DCHS2: variants seen among roughly 807,000 people sequenced by gnomAD.
DCHS2 encodes the protein protocadherin-23.
A neutral mutation model predicts 182.4 loss-of-function variants in DCHS2; 142 were observed. The observed-to-expected ratio is 0.78, with a 90% CI of 0.68 to 0.89. The LOEUF (loss-of-function observed/expected upper bound fraction) is 0.89, where lower values mean the gene tolerates loss of function less well. Among genes scored for constraint, DCHS2 ranks in the 40% least tolerant of loss-of-function variants. DCHS2 has a pLI of 0.00. For missense variants in DCHS2, 4,319 were observed against 4,198.6 expected (o/e 1.03, Z -0.79); for synonymous variants, 1,740 against 1,663.3 (o/e 1.05, Z -1.12).
Position 154,490,527 on chromosome 4 carries a change from T to C in DCHS2, c.829A>G (p.Thr277Ala). 1.3e-6 allele frequency: 2 copies of C among 1,536,440 alleles called. No homozygotes were observed. ...CGCAGCTCCACGCTCAGGAGGCCGG[T>C]GCGCCGGGGTCGGCCGCCGTCCCAT... ...EAWDGGRPRR[T>A]GLLSVELRVL... The change falls in exon 1 of 20, where the codon ACC becomes GCC. Residue 277 changes from threonine to alanine, a missense_variant. Transcript: ENST00000357232.
rs1736578040 is a variant in DCHS2 at position 154,332,499 on chromosome 4, A to G, written c.3709T>C (p.Phe1237Leu). 7 of 1,613,164 alleles carry G rather than the reference A, an allele frequency of 4.3e-6. No individual in the cohort carries two copies. The highest frequency in any genetic ancestry group is 4.2e-6 in the Non-Finnish European group (5 of 1,179,410). Reference protein sequence around the residue: ...LYFLLSDGKFFKMNPNTGELI... With the variant: ...LYFLLSDGKFLKMNPNTGELI... ...CTACCTGTATTAGGATTCATCTTGAAGAATTTTCCATCAGACAAAAGGAAA... is the reference window on the plus strand; with the variant it reads ...CTACCTGTATTAGGATTCATCTTGAGGAATTTTCCATCAGACAAAAGGAAA... Residue 1237 changes from phenylalanine to leucine, a missense_variant, in exon 5 of 20, where the codon TTC becomes CTC. Phe to Leu is a conservative substitution (Grantham distance 22). Transcript: ENST00000357232.
chr4:154,344,095 CACA>C (rs1729244414), intron 3 of DCHS2, among the ~76,000 whole-genome samples: 3 of 152,100 alleles, frequency 2.0e-5, no homozygotes, highest in Admixed American at 6.5e-5. Flanking sequence ...TCAGAGCACA[CACA>C]ACATTTATCA....
At chr4:154,382,451 A>C (rs1731211692) in intron 1 of DCHS2, among the ~76,000 whole-genome samples, 1 of 152,110 alleles carries the variant, frequency 6.6e-6, no homozygotes, top group Non-Finnish European at 1.5e-5. Flanking sequence ...ATTTATTACT[A>C]AGTCCTCAAA....
chr4:154,432,153 A>G (rs902106678), intron 1 of DCHS2, among the ~76,000 whole-genome samples: 1 of 152,226 alleles, frequency 6.6e-6, no homozygotes, highest in African/African-American at 2.4e-5. Flanking sequence ...ATCATAAAAC[A>G]AATCATTTTA....
intron 3 of DCHS2, chr4:154,343,666 G>T (rs1166966723): frequency 6.3e-6 from 9 of 1,433,014 alleles, no homozygotes; most frequent in Non-Finnish European, 8.3e-6. Flanking sequence ...AAAAGAGTTA[G>T]GACCTTGCTC....
At chr4:154,425,281 C>A (rs115005223) in intron 1 of DCHS2, among the ~76,000 whole-genome samples, 168 of 152,310 alleles carry the variant, frequency 1.1e-3, no homozygotes, top group African/African-American at 3.8e-3. Context: ...GTTGTGCAAA[C>A]GCTTAGAGCC....
At chr4:154,309,156 C>T (rs1255588462) in intron 10 of DCHS2, among the ~76,000 whole-genome samples, 1 of 152,116 alleles carries the variant, frequency 6.6e-6, no homozygotes, top group Non-Finnish European at 1.5e-5. Context: ...AGTGGTTGTT[C>T]CCTCTGCCTG....
At position 154,333,307 on chromosome 4, in the gene DCHS2, T is replaced by TA; in HGVS notation, c.2900dup (p.Thr968AsnfsTer7). On this transcript the variant is annotated frameshift_variant, in exon 5 of 20. Coordinates refer to ENST00000357232, the MANE Select transcript of DCHS2 (RefSeq NM_001358235.2). LOFTEE classifies it high-confidence loss of function. Reference sequence around the variant, plus strand: ...GGTTGTCATTGACATCCATGACTGTTATGTTGACCTCGGTGCTGCTGCAGG... The same window carrying TA: ...GGTTGTCATTGACATCCATGACTGTTAATGTTGACCTCGGTGCTGCTGCAGG... 6.2e-7 allele frequency: 1 copy of TA among 1,614,172 alleles called. No individual in the cohort carries two copies. The highest frequency in any genetic ancestry group is 8.5e-7 in the Non-Finnish European group (1 of 1,180,010).
intron 1 of DCHS2, among the ~76,000 whole-genome samples, chr4:154,442,298 C>T (rs1324342167): frequency 6.6e-6 from 1 of 152,134 alleles, no homozygotes; most frequent in African/African-American, 2.4e-5. Flanking sequence ...CATTCCTCCA[C>T]CTTGTTGACC....
intron 1 of DCHS2, among the ~76,000 whole-genome samples, chr4:154,398,456 C>T (rs991317720): frequency 2.6e-5 from 4 of 152,174 alleles, no homozygotes; most frequent in African/African-American, 9.7e-5. Context: ...ACTTCCCTGT[C>T]TTTAAAGAAC....
At chr4:154,431,446 A>T (rs987196687) in intron 1 of DCHS2, among the ~76,000 whole-genome samples, 2 of 152,116 alleles carry the variant, frequency 1.3e-5, no homozygotes, top group African/African-American at 4.8e-5. Context: ...ATATTGTTAG[A>T]TATATCACAC....
intron 1 of DCHS2, among the ~76,000 whole-genome samples, chr4:154,487,006 T>C (rs1728615060): frequency 6.6e-6 from 1 of 152,168 alleles, no homozygotes; most frequent in Non-Finnish European, 1.5e-5. Context: ...GTTGTAACAA[T>C]GGGATAAACT....
intron 1 of DCHS2, among the ~76,000 whole-genome samples, chr4:154,385,034 A>G (rs1385571095): frequency 6.6e-6 from 1 of 151,276 alleles, no homozygotes; most frequent in East Asian, 1.9e-4. Context: ...TTAACTCATC[A>G]TTTAACATTA....
chr4:154,427,503 C>T (rs7685617), intron 1 of DCHS2, among the ~76,000 whole-genome samples: 121,929 of 152,228 alleles, frequency 0.8, 52,450 homozygotes, highest in Non-Finnish European at 0.95. Context: ...CCAGAGCCAC[C>T]CTGAACCTAT....
At chr4:154,391,298 G>T in intron 1 of DCHS2, 2 of 1,586,148 alleles carry the variant, frequency 1.3e-6, no homozygotes, top group Non-Finnish European at 8.6e-7. Flanking sequence ...CCAGTCTCAT[G>T]ATTTTAAATA....
At chr4:154,444,568 G>A (rs1425683032) in intron 1 of DCHS2, among the ~76,000 whole-genome samples, 5 of 152,046 alleles carry the variant, frequency 3.3e-5, no homozygotes, top group Non-Finnish European at 7.4e-5. Context: ...GCACCACCTT[G>A]CACCTGCATT....
chr4:154,413,293 A>T (rs1486864283), intron 1 of DCHS2, among the ~76,000 whole-genome samples: 1 of 152,222 alleles, frequency 6.6e-6, no homozygotes, highest in Non-Finnish European at 1.5e-5. Context: ...CTTCCAAAGT[A>T]GAAGCAATCT....
intron 3 of DCHS2, among the ~76,000 whole-genome samples, chr4:154,356,385 T>TA (rs1272878923): frequency 7.4e-6 from 1 of 135,712 alleles, no homozygotes; most frequent in Non-Finnish European, 1.7e-5. Context: ...AAAATTATCA[T>TA]AAGCTGAGGT....
At chr4:154,287,487 T>A (rs942800080) in intron 13 of DCHS2, among the ~76,000 whole-genome samples, 8 of 152,136 alleles carry the variant, frequency 5.3e-5, no homozygotes, top group African/African-American at 1.4e-4. Flanking sequence ...ATAGTCTTCT[T>A]TAAAAATTTT....
Sources: allele counts gnomAD v4.1 joint callset (sites outside exome capture counted in the v4.1 genomes callset), GRCh38; gene constraint gnomAD v4.1.1; transcripts MANE v1.5; gene names NCBI Gene and HGNC (gene_info 2026-07-23, HGNC 2026-07-21).